Variants in INO80D observed in about 807,000 individuals in gnomAD.
INO80D encodes the protein INO80 complex subunit D.
Under a neutral mutation model 87.6 loss-of-function variants are expected in INO80D, and 21 were observed. The observed-to-expected ratio is 0.24, with a 90% CI of 0.17 to 0.35. The LOEUF is 0.35. Ranked by LOEUF, INO80D falls within the 10% of genes least tolerant of loss-of-function variation. The pLI is 1.00. For missense variants in INO80D, 982 were observed against 1,280.7 expected (o/e 0.77, Z 3.56); for synonymous variants, 440 against 491.0 (o/e 0.90, Z 1.37).
At chr2:206,033,731 C>G (rs965785355) in intron 5 of INO80D, among the ~76,000 whole-genome samples, 3 of 151,920 alleles carry the variant, frequency 2.0e-5, no homozygotes, top group African/African-American at 7.3e-5. Context: ...AAGGAAATAA[C>G]CAATATCAGA....
At chr2:206,075,039 C>CAAAAAAAAAAAAAAAAAA (rs56081344) in intron 1 of INO80D, among the ~76,000 whole-genome samples, 8 of 117,702 alleles carry the variant, frequency 6.8e-5, no homozygotes, top group African/African-American at 1.3e-4. Flanking sequence ...AACTCCATCT[C>CAAAAAAAAAAAAAAAAAA]AAAAAAAAAA....
rs1687934437 is a variant in INO80D at position 206,003,127 on chromosome 2, C to T, written c.*1241G>A. Reference sequence around the variant, plus strand: ...GAATTATTTTAAAAGGACCAAAGGGCGAATAAAATTTATATCTAATTTCCA... The same window carrying T: ...GAATTATTTTAAAAGGACCAAAGGGTGAATAAAATTTATATCTAATTTCCA... On this transcript the variant is annotated 3_prime_UTR_variant, in exon 11 of 11. Transcript: ENST00000403263. 6.6e-6 allele frequency: 1 copy of T among 152,082 alleles called. No individual in the cohort carries two copies. The highest frequency in any genetic ancestry group is 1.5e-5 in the Non-Finnish European group (1 of 68,022). The allele number at this position is 152,082 out of a possible 1,614,324, so 9.4% of individuals were successfully genotyped here. A position where few individuals can be genotyped will look rare whatever the true frequency, so the allele number is the denominator to read the frequency against.
At chr2:206,046,900 CCT>C (rs1689209730) in intron 4 of INO80D, among the ~76,000 whole-genome samples, 1 of 152,082 alleles carries the variant, frequency 6.6e-6, no homozygotes, top group South Asian at 2.1e-4. Context: ...CCTGTCTCGG[CCT>C]CCCGAGTAGC....
intron 5 of INO80D, among the ~76,000 whole-genome samples, chr2:206,029,690 A>G (rs747321791): frequency 3.3e-5 from 5 of 152,164 alleles, no homozygotes; most frequent in Non-Finnish European, 5.9e-5. Context: ...ACTTTTTACT[A>G]CAGATCTACA....
At position 206,028,317 on chromosome 2, in the gene INO80D, C is replaced by T. The variant is rs756655889; in HGVS notation, c.1092G>A (p.Ala364=). ...GAGTCACCCTGGAGCTCCTACTCTC[C>T]GCATCATCATCATCTGACCTGGAAA... is the stretch of plus-strand genomic sequence containing the variant. ...YQRHASDDDD[A]ESRSSRVTQL... Residue 364 remains alanine (A), a synonymous_variant, in exon 6 of 11, where the codon GCG becomes GCA. Coordinates refer to ENST00000403263, the MANE Select transcript of INO80D (RefSeq NM_017759.5). 21 of 1,599,012 alleles carry T rather than the reference C, an allele frequency of 1.3e-5. No individual in the cohort carries two copies. Among genetic ancestry groups the T allele is most frequent in the African/African-American group, 8.0e-5 (6 of 74,580 alleles).
At chr2:206,060,122 T>A (rs773249478) in intron 3 of INO80D, among the ~76,000 whole-genome samples, 1 of 152,022 alleles carries the variant, frequency 6.6e-6, no homozygotes, top group African/African-American at 2.4e-5. Context: ...AGAGGATCAT[T>A]TGAGGCCCAA....
intron 6 of INO80D, among the ~76,000 whole-genome samples, chr2:206,023,117 C>T (rs1271901971): frequency 2.0e-5 from 3 of 152,022 alleles, no homozygotes; most frequent in African/African-American, 7.2e-5. Context: ...AGGAGAACCA[C>T]TTGAATCCGG....
Position 206,009,723 on chromosome 2 carries a change from G to A in INO80D, c.1614C>T (p.Thr538=), listed in dbSNP as rs1559430917. The A allele has an allele frequency of 6.2e-7, 1 of 1,613,850 alleles. No homozygotes were observed. The highest frequency in any genetic ancestry group is 1.7e-5 in the Admixed American group (1 of 59,998). ...HQQQRKPRKK[T]KPPALTKKHK... Reference sequence around the variant, plus strand: ...GTTTTTTGGTTAGTGCAGGAGGCTTGGTTTTTTTCCTGGGTTTCCTCTGCT... The same window carrying A: ...GTTTTTTGGTTAGTGCAGGAGGCTTAGTTTTTTTCCTGGGTTTCCTCTGCT... Residue 538 remains threonine (T), a synonymous_variant, in exon 9 of 11, where the codon ACC becomes ACT. Transcript: ENST00000403263.
chr2:206,056,059 G>C, intron 4 of INO80D, 139 bp downstream of exon 4: 1 of 796,832 alleles, frequency 1.3e-6, no homozygotes, highest in Non-Finnish European at 1.9e-6. Context: ...CCTAAATACA[G>C]AATCTTTCAC....
intron 7 of INO80D, among the ~76,000 whole-genome samples, chr2:206,018,374 G>C (rs1268182631): frequency 6.6e-6 from 1 of 152,054 alleles, no homozygotes; most frequent in Non-Finnish European, 1.5e-5. Flanking sequence ...TCGAACTCCT[G>C]ACCTCAAGTG....
chr2:206,069,180 T>C (rs1246328166), intron 1 of INO80D, among the ~76,000 whole-genome samples: 1 of 151,850 alleles, frequency 6.6e-6, no homozygotes, highest in Non-Finnish European at 1.5e-5. Context: ...TATACATGGA[T>C]TTTTTTTCCT....
chr2:206,026,018 G>A (rs368613557), intron 6 of INO80D, among the ~76,000 whole-genome samples: 2 of 151,710 alleles, frequency 1.3e-5, no homozygotes, highest in Non-Finnish European at 2.9e-5. Context: ...CCACCTCAAC[G>A]TTCCTAGTAG....
At chr2:206,067,935 C>A (rs1273830297) in intron 1 of INO80D, among the ~76,000 whole-genome samples, 1 of 151,846 alleles carries the variant, frequency 6.6e-6, no homozygotes, top group East Asian at 1.9e-4. Context: ...AGAGGGAAAC[C>A]CTGTTTCAAA....
rs1689283830 is a variant in INO80D at position 206,049,330 on chromosome 2, T to C, written c.965-2718A>G. Among the ~76,000 whole-genome samples the C allele has an allele frequency of 2.0e-5, 3 of 152,142 alleles. No individual in the cohort carries two copies. The South Asian group carries it at 6.2e-4, about 31-fold the overall frequency. On this transcript the variant is annotated intron_variant, in intron 4 of 10. Coordinates refer to ENST00000403263, the MANE Select transcript of INO80D (RefSeq NM_017759.5). ...GAGTTACTTTCTCAACTGAAATAATTAATAATTTGTAGGGGGAAAAGGTAA... is the reference window on the plus strand; with the variant it reads ...GAGTTACTTTCTCAACTGAAATAATCAATAATTTGTAGGGGGAAAAGGTAA...
chr2:206,024,937 G>T (rs1688563435), intron 6 of INO80D, among the ~76,000 whole-genome samples: 1 of 151,890 alleles, frequency 6.6e-6, no homozygotes, highest in African/African-American at 2.4e-5. Flanking sequence ...TGTGTTTTTA[G>T]TAGAGACAAG....
intron 6 of INO80D, among the ~76,000 whole-genome samples, chr2:206,021,180 T>C (rs1688454034): frequency 6.6e-6 from 1 of 152,122 alleles, no homozygotes; most frequent in Non-Finnish European, 1.5e-5. Flanking sequence ...AAACAAAAAA[T>C]CTTTTGAGTT....
At chr2:206,072,491 T>C (rs1690000833) in intron 1 of INO80D, among the ~76,000 whole-genome samples, 1 of 152,054 alleles carries the variant, frequency 6.6e-6, no homozygotes, top group Admixed American at 6.6e-5. Flanking sequence ...TTGGCGAGGC[T>C]GGTCTCGAAT....
At chr2:206,051,320 G>C (rs1165579495) in intron 4 of INO80D, among the ~76,000 whole-genome samples, 1 of 151,740 alleles carries the variant, frequency 6.6e-6, no homozygotes, top group African/African-American at 2.4e-5. Context: ...GGACTTAAGG[G>C]ATCCTTCCGC....
chr2:206,019,870 A>G (rs1322601108), intron 6 of INO80D, 25 bp from the exon 7 acceptor site: 9 of 1,568,858 alleles, frequency 5.7e-6, no homozygotes, highest in South Asian at 1.1e-5. Flanking sequence ...ACAGAGAATT[A>G]ATTTTTTTTT....
Sources: allele counts gnomAD v4.1 joint callset (sites outside exome capture counted in the v4.1 genomes callset), GRCh38; gene constraint gnomAD v4.1.1; transcripts MANE v1.5; gene names NCBI Gene and HGNC (gene_info 2026-07-23, HGNC 2026-07-21).